The following CUX1 variants were observed in gnomAD, a reference collection of about 807,000 sequenced individuals.
CUX1 encodes protein CASP.
In CUX1, 31 loss-of-function variants were observed where a neutral mutation model predicts 158.8. That is an observed-to-expected ratio of 0.20 (90% CI 0.15 to 0.26). The LOEUF (loss-of-function observed/expected upper bound fraction) is 0.26. Among genes scored for constraint, CUX1 ranks in the 10% least tolerant of loss-of-function variants. The pLI is 1.00. For missense variants in CUX1, 1,589 were observed against 2,014.6 expected, an observed-to-expected ratio of 0.79 and a Z score of 4.04; for synonymous variants, 879 against 862.1, an observed-to-expected ratio of 1.02 and a Z score of -0.34.
At chr7:101,978,137 C>T (rs546669912) in intron 2 of CUX1, among the ~76,000 whole-genome samples, 16 of 152,166 alleles carry the variant, frequency 1.1e-4, no homozygotes, top group Non-Finnish European at 1.9e-4. Flanking sequence ...GGGATCCCAT[C>T]GACTCTCGTG....
chr7:102,226,845 G>A (rs782690366), intron 20 of CUX1, among the ~76,000 whole-genome samples: 1 of 152,152 alleles, frequency 6.6e-6, no homozygotes, highest in Non-Finnish European at 1.5e-5. Flanking sequence ...TGGCCAGGCT[G>A]GTCTCGAACT....
intron 1 of CUX1, among the ~76,000 whole-genome samples, chr7:101,888,124 A>G (rs1430867180): frequency 6.6e-6 from 1 of 152,178 alleles, no homozygotes; most frequent in Non-Finnish European, 1.5e-5. Context: ...ACCTGAGGTC[A>G]GAAGTTCCAG....
intron 20 of CUX1, among the ~76,000 whole-genome samples, chr7:102,213,468 C>T (rs887767555): frequency 3.3e-5 from 5 of 152,210 alleles, no homozygotes; most frequent in Admixed American, 2.6e-4. Context: ...AGGCTGAGGG[C>T]TCACATAACT....
chr7:102,237,146 A>G (rs1052015953), intron 22 of CUX1, among the ~76,000 whole-genome samples: 1 of 152,306 alleles, frequency 6.6e-6, no homozygotes, highest in East Asian at 1.9e-4. Flanking sequence ...TGGGTTTTCT[A>G]TGGGGAAGAT....
At chr7:101,896,095 C>T (rs952503021) in intron 1 of CUX1, among the ~76,000 whole-genome samples, 2 of 151,794 alleles carry the variant, frequency 1.3e-5, no homozygotes, top group African/African-American at 4.8e-5. Flanking sequence ...GACAGGGTCT[C>T]CTTATGTTGC....
intron 3 of CUX1, among the ~76,000 whole-genome samples, chr7:102,040,205 A>G (rs1418728690): frequency 1.3e-5 from 2 of 152,186 alleles, no homozygotes; most frequent in Non-Finnish European, 2.9e-5. Context: ...AGGGAGACAC[A>G]CTGGGTCTTG....
chr7:101,861,553 G>A lies in CUX1; in HGVS notation c.30+43884G>A, dbSNP rs911859197. On this transcript the variant is annotated intron_variant, in intron 1 of 23. Coordinates refer to ENST00000292535, the MANE Select transcript of CUX1 (RefSeq NM_181552.4). ...GCTGGTTGGCCCCCTGGGTGCCCCTGTCTACTGAGGGTGGGACAGGCGGAG... is the reference window on the plus strand; with the variant it reads ...GCTGGTTGGCCCCCTGGGTGCCCCTATCTACTGAGGGTGGGACAGGCGGAG... Among the ~76,000 whole-genome samples, 39 of 141,258 alleles carry A rather than the reference G, an allele frequency of 2.8e-4. 1 individual carries two copies. The highest frequency in any genetic ancestry group is 4.6e-4 in the Admixed American group (6 of 13,172). 92.7% of individuals were successfully genotyped at this position (141,258 alleles called of 152,430 possible). A position where few individuals can be genotyped will look rare whatever the true frequency, so the allele number is the denominator to read the frequency against.
intron 1 of CUX1, among the ~76,000 whole-genome samples, chr7:101,910,909 C>G (rs897079642): frequency 6.6e-6 from 1 of 152,168 alleles, no homozygotes; most frequent in African/African-American, 2.4e-5. Context: ...GGCAGAAAGT[C>G]TGGAGTTGGG....
intron 7 of CUX1, among the ~76,000 whole-genome samples, chr7:102,113,340 G>A (rs1462135394): frequency 6.6e-6 from 1 of 152,016 alleles, no homozygotes; most frequent in African/African-American, 2.4e-5. Context: ...CCGGGTTCAA[G>A]TGATTCTTCT....
In CUX1 at chr7:102,249,364, G is replaced by A; in HGVS notation, c.*322G>A. The A allele has an allele frequency of 1.0e-6, 1 of 1,001,376 alleles. No homozygotes were observed. Among genetic ancestry groups the A allele is most frequent in the Non-Finnish European group, 1.2e-6 (1 of 840,130 alleles). 62.0% of individuals were successfully genotyped at this position (1,001,376 alleles called of 1,614,324 possible). On this transcript the variant is annotated 3_prime_UTR_variant, in exon 24 of 24. Transcript: ENST00000292535. The stretch of plus-strand genomic sequence containing the variant: ...CACTTACCGCCCTGCGGGCCACAGG[G>A]CAAAATCGCCATAGGCCAAGGTGCA...
In CUX1 at chr7:101,821,857, GT is replaced by G. The variant is rs58248170; in HGVS notation, c.30+4203del. On this transcript the variant is annotated intron_variant, in intron 1 of 23. Transcript: ENST00000292535. Reference sequence around the variant, plus strand: ...GCCTGGCTAGTTTTTTTGTTTTTTTGTTTTTTTTTTTTTTTGAGATGTAGTC... The same window carrying G: ...GCCTGGCTAGTTTTTTTGTTTTTTTGTTTTTTTTTTTTTTGAGATGTAGTC... 4.1e-3 allele frequency among the ~76,000 whole-genome samples: 342 copies of G among 83,406 alleles called. 3 individuals are homozygous for G. The highest frequency in any genetic ancestry group is 1.0e-2 in the African/African-American group (223 of 22,356). The allele number at this position is 83,406 out of a possible 152,430, so 54.7% of individuals were successfully genotyped here.
chr7:102,129,958 TA>T (rs782620882), intron 8 of CUX1, among the ~76,000 whole-genome samples: 83 of 152,260 alleles, frequency 5.5e-4, no homozygotes, highest in African/African-American at 1.9e-3. Context: ...GGGATTTCGT[TA>T]AAAAACTTTT....
chr7:102,108,739 TG>T (rs1830614661), intron 6 of CUX1, among the ~76,000 whole-genome samples: 1 of 93,196 alleles, frequency 1.1e-5, no homozygotes, highest in African/African-American at 3.4e-5. Flanking sequence ...ATTCATTTTG[TG>T]TGTGTGTGTG....
chr7:102,037,663 A>G (rs13242468), intron 3 of CUX1, among the ~76,000 whole-genome samples: 4,656 of 152,180 alleles, frequency 0.031, 98 homozygotes, highest in African/African-American at 0.039. Flanking sequence ...TGGGCTGGGT[A>G]GAATTTCTTA....
intron 21 of CUX1, among the ~76,000 whole-genome samples, chr7:102,228,813 T>C (rs1416745133): frequency 6.6e-6 from 1 of 151,884 alleles, no homozygotes; most frequent in South Asian, 2.1e-4. Context: ...AAGAAAGAGG[T>C]AGACACCCAT....
At chr7:101,860,924 A>C (rs1797388918) in intron 1 of CUX1, among the ~76,000 whole-genome samples, 1 of 151,956 alleles carries the variant, frequency 6.6e-6, no homozygotes, top group Admixed American at 6.6e-5. Context: ...CTCCCACCTC[A>C]GCCTGTGAGG....
At position 102,193,890 on chromosome 7, in the gene CUX1, G is replaced by C. The variant is rs1563382933; in HGVS notation, c.1125G>C (p.Gln375His). The C allele has an allele frequency of 6.2e-7, 1 of 1,613,912 alleles. No homozygotes were observed. Residue 375 changes from glutamine (Q) to histidine (H), a missense_variant and splice_region_variant, in exon 13 of 24, where the codon CAG (glutamine) becomes CAC (histidine). Physicochemically the swap from Gln to His is conservative, Grantham distance 24. Around this residue, in one of 8 missense-constraint regions of CUX1, gnomAD observed 515 missense variants for 574.4 expected, o/e 0.90. Transcript: ENST00000292535. ...EFAPSEGAGT[Q>H]DAAKPLEVLL... ...CACCGTCCGAGGGCGCTGGGACACA[G>C]GTACGTGTCTCACCTCAATGGTCAG...
At chr7:102,042,092 G>A (rs1193046137) in intron 3 of CUX1, among the ~76,000 whole-genome samples, 2 of 151,978 alleles carry the variant, frequency 1.3e-5, no homozygotes, top group African/African-American at 4.8e-5. Flanking sequence ...ACCTGTTTCT[G>A]TCCCCATCTT....
At chr7:102,184,846 A>G (rs1008076989) in intron 11 of CUX1, among the ~76,000 whole-genome samples, 19 of 151,942 alleles carry the variant, frequency 1.3e-4, no homozygotes, top group Admixed American at 3.3e-4. Context: ...GGGTCTCTCT[A>G]TGTTGCCCCT....
Sources: allele counts gnomAD v4.1 joint callset (sites outside exome capture counted in the v4.1 genomes callset), GRCh38; gene constraint gnomAD v4.1.1; regional missense constraint gnomAD v4.1.1; transcripts MANE v1.5; gene names NCBI Gene and HGNC (gene_info 2026-07-23, HGNC 2026-07-21).